Variants in MNAT1 observed in about 807,000 individuals in gnomAD.
MNAT1 encodes the protein MNAT1 component of CDK activating kinase.
A neutral mutation model predicts 42.0 loss-of-function variants in MNAT1; 43 were observed. That is an observed-to-expected ratio of 1.02 (90% confidence interval 0.80 to 1.32). MNAT1 has a LOEUF of 1.32. MNAT1 is among the 40% of genes most tolerant of loss of function. The pLI is 0.00. For synonymous variants in MNAT1, 118 were observed against 120.0 expected (o/e 0.98, Z 0.11); for missense variants, 306 against 350.4 (o/e 0.87, Z 1.01).
At chr14:60,930,735 G>C (rs1424588888) in intron 7 of MNAT1, among the ~76,000 whole-genome samples, 1 of 152,130 alleles carries the variant, frequency 6.6e-6, no homozygotes, top group Non-Finnish European at 1.5e-5. Flanking sequence ...TGCCTTGAGG[G>C]AAATGTAAGT....
At chr14:60,903,963 C>G (rs145430064) in intron 7 of MNAT1, among the ~76,000 whole-genome samples, 158 of 151,408 alleles carry the variant, frequency 1.0e-3, no homozygotes, top group Admixed American at 3.6e-3. Flanking sequence ...CTTCTGCCTC[C>G]CACGTTCAAG....
At chr14:60,916,917 C>T (rs2035529912) in intron 7 of MNAT1, among the ~76,000 whole-genome samples, 1 of 152,092 alleles carries the variant, frequency 6.6e-6, no homozygotes, top group African/African-American at 2.4e-5. Flanking sequence ...CCTGCCACTG[C>T]ATTCCAGCCT....
chr14:60,807,863 C>T (rs2032421898), intron 3 of MNAT1, among the ~76,000 whole-genome samples: 1 of 151,942 alleles, frequency 6.6e-6, no homozygotes, highest in South Asian at 2.1e-4. Context: ...TGTGTCTACT[C>T]ATGTTGGAGA....
At position 60,969,638 on chromosome 14, in the gene MNAT1, A is replaced by T. The variant is rs891296837; in HGVS notation, c.*1289A>T. On this transcript the variant is annotated 3_prime_UTR_variant, in exon 8 of 8. Coordinates refer to ENST00000261245, the MANE Select transcript of MNAT1 (RefSeq NM_002431.4). ...TTCCATCTACATTCTACCAGACTGC[A>T]TATCCTATTCCTGTATCTATTAGGT... The T allele has an allele frequency of 1.3e-5, 2 of 152,160 alleles. No individual in the cohort carries two copies. The highest frequency in any genetic ancestry group is 2.9e-5 in the Non-Finnish European group (2 of 68,004). 9.4% of individuals were successfully genotyped at this position (152,160 alleles called of 1,614,324 possible). A position where few individuals can be genotyped will look rare whatever the true frequency, so the allele number is the denominator to read the frequency against.
At chr14:60,934,946 C>A (rs2035963365) in intron 7 of MNAT1, among the ~76,000 whole-genome samples, 1 of 152,184 alleles carries the variant, frequency 6.6e-6, no homozygotes, top group South Asian at 2.1e-4. Flanking sequence ...GAGGTGCTTT[C>A]CCTAAATTAA....
intron 7 of MNAT1, among the ~76,000 whole-genome samples, chr14:60,907,137 A>G (rs563819666): frequency 6.6e-6 from 1 of 152,300 alleles, no homozygotes; most frequent in East Asian, 1.9e-4. Context: ...GTGTTAGCTC[A>G]GTGATTATAA....
At chr14:60,912,379 T>G (rs1448935276) in intron 7 of MNAT1, among the ~76,000 whole-genome samples, 6 of 152,142 alleles carry the variant, frequency 3.9e-5, no homozygotes, top group Non-Finnish European at 7.4e-5. Flanking sequence ...GTTAGCTGGT[T>G]ATTTTGCTCG....
intron 1 of MNAT1, among the ~76,000 whole-genome samples, chr14:60,790,438 G>T (rs1461813391): frequency 6.6e-6 from 1 of 152,138 alleles, no homozygotes; most frequent in East Asian, 1.9e-4. Context: ...TTCAGTGGAA[G>T]GCTGATCAAG....
rs2036739205 is a variant in MNAT1 at position 60,969,318 on chromosome 14, A to T, written c.*969A>T. 1 of 152,150 alleles carries T rather than the reference A, an allele frequency of 6.6e-6. No homozygotes were observed. Among genetic ancestry groups the T allele is most frequent in the African/African-American group, 2.4e-5 (1 of 41,440 alleles). The allele number at this position is 152,150 out of a possible 1,614,324, so 9.4% of individuals were successfully genotyped here. A position where few individuals can be genotyped will look rare whatever the true frequency, so the allele number is the denominator to read the frequency against. On this transcript the variant is annotated 3_prime_UTR_variant, in exon 8 of 8. Coordinates refer to ENST00000261245, the MANE Select transcript of MNAT1 (RefSeq NM_002431.4). ...ATATGGGATATAGTTTCTTAAGGAA[A>T]TTAAGGGATTTCCTATCAAATCTCT...
At chr14:60,854,915 A>G (rs1170256832) in intron 6 of MNAT1, among the ~76,000 whole-genome samples, 1 of 152,176 alleles carries the variant, frequency 6.6e-6, no homozygotes, top group Non-Finnish European at 1.5e-5. Context: ...AGCTGGGCCC[A>G]TGGTCACCCC....
At chr14:60,820,286 A>G (rs1185506607) in intron 6 of MNAT1, among the ~76,000 whole-genome samples, 2 of 152,166 alleles carry the variant, frequency 1.3e-5, no homozygotes, top group African/African-American at 4.8e-5. Flanking sequence ...CGAATGCCTC[A>G]AAACATTATC....
chr14:60,734,880 C>A lies in MNAT1; in HGVS notation c.18C>A (p.Cys6Ter). The A allele has an allele frequency of 6.2e-7, 1 of 1,614,076 alleles. No individual in the cohort carries two copies. The highest frequency in any genetic ancestry group is 2.2e-5 in the East Asian group (1 of 44,866). The change falls in exon 1 of 8, where the codon TGC (cysteine) becomes TGA (stop). Residue 6 changes from cysteine (C) to a stop codon, truncating the protein, a stop_gained. Coordinates refer to ENST00000261245, the MANE Select transcript of MNAT1 (RefSeq NM_002431.4). LOFTEE classifies it high-confidence loss of function. This position sits in a 1 kb window ranked among gnomAD's most constrained non-coding sequence, Gnocchi z 4.3. ...AAACCGCCATGGACGATCAGGGTTG[C>A]CCTCGGTGTAAGACCACCAAATATC... MDDQG[C>*]PRCKTTKYRN...
chr14:60,895,214 C>T (rs1336822270), intron 7 of MNAT1, among the ~76,000 whole-genome samples: 2 of 152,102 alleles, frequency 1.3e-5, no homozygotes, highest in African/African-American at 2.4e-5. Context: ...ACTTTCTTTT[C>T]TGGAATTATT....
At chr14:60,904,746 G>A (rs910665485) in intron 7 of MNAT1, among the ~76,000 whole-genome samples, 1 of 151,794 alleles carries the variant, frequency 6.6e-6, no homozygotes, top group African/African-American at 2.4e-5. Context: ...CAGAAAGAAA[G>A]CACTAAGTTA....
intron 6 of MNAT1, among the ~76,000 whole-genome samples, chr14:60,847,032 AT>A (rs200580657): frequency 0.013 from 1,980 of 152,190 alleles, 44 homozygotes; most frequent in African/African-American, 0.045. Context: ...TATGTTTATA[AT>A]TTTTATATCT....
intron 1 of MNAT1, among the ~76,000 whole-genome samples, chr14:60,747,484 A>G (rs2029885951): frequency 6.6e-6 from 1 of 152,190 alleles, no homozygotes. Flanking sequence ...GGCAGCTGTA[A>G]CACAATGGTA....
intron 1 of MNAT1, among the ~76,000 whole-genome samples, chr14:60,785,614 G>A (rs925660093): frequency 6.6e-6 from 1 of 152,082 alleles, no homozygotes; most frequent in East Asian, 1.9e-4. Context: ...TGGATCTTCT[G>A]GAATTTTCTG....
chr14:60,962,396 G>A (rs926687478), intron 7 of MNAT1, among the ~76,000 whole-genome samples: 7 of 152,198 alleles, frequency 4.6e-5, no homozygotes, highest in African/African-American at 1.7e-4. Flanking sequence ...GTGTTTAAAT[G>A]TATGTAGTAT....
intron 3 of MNAT1, among the ~76,000 whole-genome samples, chr14:60,806,251 G>C (rs1053744268): frequency 6.6e-6 from 1 of 152,204 alleles, no homozygotes; most frequent in Non-Finnish European, 1.5e-5. Context: ...TTCAGGGATG[G>C]AGAGATTGTA....
Sources: allele counts gnomAD v4.1 joint callset (sites outside exome capture counted in the v4.1 genomes callset), GRCh38; gene constraint gnomAD v4.1.1; non-coding constraint Gnocchi (gnomAD v3.1); transcripts MANE v1.5; gene names NCBI Gene and HGNC (gene_info 2026-07-23, HGNC 2026-07-21).